HSPA14: variants seen among roughly 807,000 people sequenced by gnomAD.
HSPA14 encodes the protein heat shock 70 kDa protein 14.
HSPA14 carries 37 observed loss-of-function variants against 65.5 expected under a neutral mutation model. That is an observed-to-expected ratio of 0.56 (90% confidence interval 0.43 to 0.74). The LOEUF (loss-of-function observed/expected upper bound fraction) is 0.74, where lower values mean the gene tolerates loss of function less well. Among genes scored for constraint, HSPA14 ranks in the 30% least tolerant of loss-of-function variants. The pLI is 0.00. For missense variants in HSPA14, 564 were observed against 607.6 expected (o/e 0.93, Z 0.75); for synonymous variants, 203 against 214.2 (o/e 0.95, Z 0.46).
intron 1 of HSPA14, among the ~76,000 whole-genome samples, chr10:14,839,571 CAA>C (rs755617483): frequency 3.6e-4 from 29 of 79,576 alleles, no homozygotes; most frequent in Admixed American, 4.3e-4. Flanking sequence ...ACTCCGTGTC[CAA>C]AAAAAAAAAA....
In HSPA14 at chr10:14,865,292, A is replaced by G. The variant is rs573938384; in HGVS notation, c.994-1791A>G. 1.0e-3 allele frequency among the ~76,000 whole-genome samples: 153 copies of G among 151,938 alleles called. 1 individual carries two copies. The highest frequency in any genetic ancestry group is 3.4e-3 in the Middle Eastern group (1 of 294). On this transcript the variant is annotated intron_variant, in intron 10 of 13. Coordinates refer to ENST00000378372, the MANE Select transcript of HSPA14 (RefSeq NM_016299.4). ...TAGGTTGCCTGTTCACTCTGATGGT[A>G]GTTTCTTTTGCTGTGCAGAAGCTCT...
At chr10:14,844,330 T>C in intron 3 of HSPA14, 3 of 1,044,164 alleles carry the variant, frequency 2.9e-6, no homozygotes, top group South Asian at 3.2e-5. Context: ...TTAATTCATA[T>C]GGCCTTGGCT....
chr10:14,856,782 C>T (rs1235133521), intron 10 of HSPA14, among the ~76,000 whole-genome samples: 1 of 151,972 alleles, frequency 6.6e-6, no homozygotes, highest in African/African-American at 2.4e-5. Context: ...TCACTTGGGC[C>T]CAGGGGGTCA....
Position 14,867,269 on chromosome 10 carries a change from T to C in HSPA14, c.1180T>C (p.Cys394Arg). ...LLVEDSLMIE[C>R]SARDILVKGV... ...GGTGGAAGACTCTCTTATGATAGAG[T>C]GTTCAGCCAGAGATATTTTAGTTAA... The change falls in exon 11 of 14, where the codon TGT (cysteine) becomes CGT (arginine). Residue 394 changes from cysteine to arginine, a missense_variant. Coordinates refer to ENST00000378372, the MANE Select transcript of HSPA14 (RefSeq NM_016299.4). 3 of 1,613,366 alleles carry C rather than the reference T, an allele frequency of 1.9e-6. No individual in the cohort carries two copies. The highest frequency in any genetic ancestry group is 2.5e-6 in the Non-Finnish European group (3 of 1,179,438).
rs1226846828 is a variant in HSPA14, at chr10:14,851,044, T to G, written c.468-175T>G. 4 of 519,156 alleles carry G rather than the reference T, an allele frequency of 7.7e-6. No homozygotes were observed. The Admixed American group carries it at 1.5e-4, about 19-fold the overall frequency. The allele number at this position is 519,156 out of a possible 1,614,324, so 32.2% of individuals were successfully genotyped here. On this transcript the variant is annotated intron_variant, in intron 6 of 13. Transcript: ENST00000378372. ...TTACAATTTTAAACAGAAAGTGATC[T>G]CTTATAGTCATTCATTTCTTGTTTT...
chr10:14,858,468 T>G (rs193174686), intron 10 of HSPA14, among the ~76,000 whole-genome samples: 1 of 152,336 alleles, frequency 6.6e-6, no homozygotes, highest in East Asian at 1.9e-4. Context: ...TACCCTCAAC[T>G]CTTCAGCGGT....
intron 7 of HSPA14, 54 bp from the exon 8 acceptor site, chr10:14,852,316 C>T: frequency 7.0e-7 from 1 of 1,428,138 alleles, no homozygotes; most frequent in Non-Finnish European, 9.7e-7. Context: ...TTCTAATATC[C>T]AACTTAGTTT....
At position 14,869,232 on chromosome 10, in the gene HSPA14, C is replaced by CGTGTGTGTGTGT. The variant is rs68155495; in HGVS notation, c.1380+1344_1381-1333dup. Among the ~76,000 whole-genome samples, 279 of 144,822 alleles carry CGTGTGTGTGTGT rather than the reference C, an allele frequency of 1.9e-3. 4 individuals are homozygous for CGTGTGTGTGTGT. In the East Asian group the frequency reaches 0.039, roughly 20 times the overall value. On this transcript the variant is annotated intron_variant, in intron 12 of 13. Coordinates refer to ENST00000378372, the MANE Select transcript of HSPA14 (RefSeq NM_016299.4). The stretch of plus-strand genomic sequence containing the variant: ...ATGAGATATTGTGTGTGTACGTGTA[C>CGTGTGTGTGTGT]GTGTGTGTGTGTGTGTGTGTGTGTG...
In HSPA14 at chr10:14,867,759, T is replaced by G; in HGVS notation, c.1230T>G (p.Ser410Arg). The G allele has an allele frequency of 6.2e-7, 1 of 1,614,034 alleles. No homozygotes were observed. Among genetic ancestry groups the G allele is most frequent in the East Asian group, 2.2e-5 (1 of 44,880 alleles). ...LVKGVDESGA[S>R]RFTVLFPSGT... ...AGGGTGTGGACGAATCAGGAGCCAG[T>G]AGATTCACAGTGCTGTTTCCATCAG... Residue 410 changes from serine to arginine, a missense_variant, in exon 12 of 14, where the codon AGT (serine) becomes AGG (arginine). Coordinates refer to ENST00000378372, the MANE Select transcript of HSPA14 (RefSeq NM_016299.4).
At chr10:14,853,638 CAG>C (rs1420305351) in intron 8 of HSPA14, among the ~76,000 whole-genome samples, 2 of 152,154 alleles carry the variant, frequency 1.3e-5, no homozygotes, top group African/African-American at 4.8e-5. Flanking sequence ...TTTAATTGCA[CAG>C]AGTGTTTTAG....
intron 10 of HSPA14, among the ~76,000 whole-genome samples, chr10:14,865,179 T>G (rs1832794417): frequency 6.6e-6 from 1 of 152,260 alleles, no homozygotes; most frequent in African/African-American, 2.4e-5. Flanking sequence ...GTTTGTTTTT[T>G]TCTTGTAAAT....
intron 5 of HSPA14, among the ~76,000 whole-genome samples, 191 bp downstream of exon 5, chr10:14,849,086 C>T (rs976388836): frequency 6.6e-6 from 1 of 152,180 alleles, no homozygotes. Flanking sequence ...ACTTGCCTTA[C>T]CTGACTGTGA....
intron 10 of HSPA14, among the ~76,000 whole-genome samples, chr10:14,861,419 A>AG (rs1401875090): frequency 6.6e-6 from 1 of 152,138 alleles, no homozygotes; most frequent in Non-Finnish European, 1.5e-5. Flanking sequence ...CCTGTCTCCC[A>AG]GGCTCAAGCG....
chr10:14,850,411 A>G (rs12098747), intron 6 of HSPA14, among the ~76,000 whole-genome samples: 66,206 of 152,216 alleles, frequency 0.43, 17,379 homozygotes, highest in African/African-American at 0.74. Flanking sequence ...AGGTTTATGT[A>G]GGAATTACAT....
chr10:14,844,773 C>G, intron 3 of HSPA14: 3 of 984,504 alleles, frequency 3.0e-6, no homozygotes, highest in Non-Finnish European at 3.6e-6. Flanking sequence ...CTTTATATGC[C>G]TAAATTACAT....
intron 10 of HSPA14, among the ~76,000 whole-genome samples, chr10:14,863,072 G>A (rs1186052562): frequency 1.5e-5 from 2 of 134,884 alleles, no homozygotes; most frequent in African/African-American, 2.9e-5. Flanking sequence ...ATCTTATGAC[G>A]TTGTTTTTAT....
chr10:14,850,995 T>C (rs1834104559), intron 6 of HSPA14: 1 of 379,828 alleles, frequency 2.6e-6, no homozygotes, highest in Non-Finnish European at 4.7e-6. Flanking sequence ...TTGCTTTCTT[T>C]GTGAAGAATA....
At chr10:14,847,152 A>G (rs1233441851) in intron 3 of HSPA14, 13 of 396,370 alleles carry the variant, frequency 3.3e-5, no homozygotes, top group Non-Finnish European at 4.5e-5. Context: ...GGCCCTCTTT[A>G]TAAAGCAGTT....
At chr10:14,847,050 CTCCA>C in intron 3 of HSPA14, 1 of 985,222 alleles carries the variant, frequency 1.0e-6, no homozygotes, top group Non-Finnish European at 1.2e-6. Context: ...CCTTTGTTGC[CTCCA>C]TTCTCTGCTT....
Sources: allele counts gnomAD v4.1 joint callset (sites outside exome capture counted in the v4.1 genomes callset), GRCh38; gene constraint gnomAD v4.1.1; transcripts MANE v1.5; gene names NCBI Gene and HGNC (gene_info 2026-07-23, HGNC 2026-07-21).